TRPM3: variants seen among roughly 807,000 people sequenced by gnomAD.
The protein encoded by TRPM3 is long transient receptor potential channel 3.
Under a neutral mutation model 181.2 loss-of-function variants are expected in TRPM3, and 77 were observed. The observed-to-expected ratio is 0.42, with a 90% CI of 0.35 to 0.51. The LOEUF is 0.51. Ranked by LOEUF, TRPM3 falls within the 20% of genes least tolerant of loss-of-function variation. The probability of loss-of-function intolerance (pLI) is 0.01; values close to 1 mark genes in which losing one functional copy is unlikely to be tolerated. For missense variants in TRPM3, 1,759 were observed against 2,196.7 expected, an observed-to-expected ratio of 0.80 and a Z score of 3.98; for synonymous variants, 745 against 796.4, an observed-to-expected ratio of 0.94 and a Z score of 1.09.
chr9:70,738,452 G>A (rs958491323), intron 8 of TRPM3, among the ~76,000 whole-genome samples: 6 of 152,188 alleles, frequency 3.9e-5, no homozygotes, highest in Admixed American at 3.3e-4. Context: ...GAATAATAGT[G>A]ACACAACCTA....
intron 9 of TRPM3, among the ~76,000 whole-genome samples, chr9:70,669,238 C>G (rs1189149793): frequency 6.6e-6 from 1 of 152,226 alleles, no homozygotes; most frequent in Non-Finnish European, 1.5e-5. Context: ...AGACACCTCT[C>G]AGTTCCCTAA....
At chr9:71,273,119 G>A (rs1403760211) in intron 1 of TRPM3, among the ~76,000 whole-genome samples, 1 of 152,072 alleles carries the variant, frequency 6.6e-6, no homozygotes, top group East Asian at 1.9e-4. Context: ...CAAGTGACCT[G>A]CCTGCCTTGG....
At chr9:71,334,316 C>T (rs2090414055) in intron 1 of TRPM3, among the ~76,000 whole-genome samples, 1 of 151,672 alleles carries the variant, frequency 6.6e-6, no homozygotes, top group African/African-American at 2.4e-5. Context: ...AGAGGAAAAC[C>T]TAAGGGATTA....
chr9:71,371,169 C>T (rs969950527), intron 1 of TRPM3, among the ~76,000 whole-genome samples: 2 of 152,130 alleles, frequency 1.3e-5, no homozygotes, highest in Non-Finnish European at 2.9e-5. Flanking sequence ...TGTTTTCATG[C>T]CTGCTGACAC....
At chr9:70,928,389 T>G (rs944019954) in intron 1 of TRPM3, among the ~76,000 whole-genome samples, 1 of 152,196 alleles carries the variant, frequency 6.6e-6, no homozygotes, top group African/African-American at 2.4e-5. Flanking sequence ...CTAGGGACAG[T>G]CAGATTTTAT....
intron 5 of TRPM3, among the ~76,000 whole-genome samples, chr9:70,834,452 T>C (rs976979718): frequency 6.6e-6 from 1 of 152,208 alleles, no homozygotes; most frequent in Non-Finnish European, 1.5e-5. Context: ...GAAATCACCA[T>C]GTATGAGTGG....
At chr9:71,186,786 G>C (rs1025267455) in intron 1 of TRPM3, among the ~76,000 whole-genome samples, 3 of 151,972 alleles carry the variant, frequency 2.0e-5, no homozygotes, top group Non-Finnish European at 4.4e-5. Context: ...AAATCTTCAA[G>C]TTTTTCTTAC....
intron 1 of TRPM3, among the ~76,000 whole-genome samples, chr9:71,193,305 T>A (rs887209381): frequency 1.3e-5 from 2 of 151,824 alleles, no homozygotes; most frequent in Non-Finnish European, 2.9e-5. Context: ...CCTGTAAATA[T>A]CTGAAAAAGT....
intron 4 of TRPM3, among the ~76,000 whole-genome samples, chr9:70,843,511 A>G (rs1313269948): frequency 6.6e-6 from 1 of 152,190 alleles, no homozygotes; most frequent in African/African-American, 2.4e-5. Flanking sequence ...AGCACCATGT[A>G]TAATGGTATG....
At chr9:71,262,230 A>C (rs1393198399) in intron 1 of TRPM3, among the ~76,000 whole-genome samples, 1 of 152,180 alleles carries the variant, frequency 6.6e-6, no homozygotes, top group Non-Finnish European at 1.5e-5. Context: ...GGAGGAATCT[A>C]GAGAGGCAGT....
At chr9:70,869,170 G>T in intron 1 of TRPM3, 1 of 483,294 alleles carries the variant, frequency 2.1e-6, no homozygotes, top group Non-Finnish European at 2.7e-6. Flanking sequence ...AACTTGGGCA[G>T]ATTAGCCCCT....
intron 19 of TRPM3, among the ~76,000 whole-genome samples, chr9:70,609,480 G>A (rs767503655): frequency 1.1e-4 from 16 of 152,218 alleles, no homozygotes; most frequent in Admixed American, 5.9e-4. Context: ...GGTAGTTTCC[G>A]AATGGTGGCA....
intron 8 of TRPM3, among the ~76,000 whole-genome samples, chr9:70,746,040 C>G (rs1418371499): frequency 6.6e-6 from 1 of 152,164 alleles, no homozygotes; most frequent in Non-Finnish European, 1.5e-5. Flanking sequence ...TGCCAACATT[C>G]TTTACACATC....
upstream of TRPM3, among the ~76,000 whole-genome samples, chr9:71,125,597 T>C (rs1208654938): frequency 1.3e-5 from 2 of 152,180 alleles, no homozygotes; most frequent in Non-Finnish European, 2.9e-5. Context: ...AGTCCATCAT[T>C]GATGTGCATT....
chr9:71,199,688 T>C (rs1227645121), intron 1 of TRPM3, among the ~76,000 whole-genome samples: 3 of 152,172 alleles, frequency 2.0e-5, no homozygotes, highest in Non-Finnish European at 2.9e-5. Flanking sequence ...TCTCCGATGG[T>C]AGTTTGTATT....
At chr9:71,443,639 G>T (rs1431174) in intron 1 of TRPM3, among the ~76,000 whole-genome samples, 150,465 of 152,232 alleles carry the variant, frequency 0.99, 74,377 homozygotes, top group East Asian at 1. Context: ...GGGTTTCTAA[G>T]ATTAGCGTCA....
intron 20 of TRPM3, among the ~76,000 whole-genome samples, chr9:70,602,622 T>C (rs187114139): frequency 2.6e-4 from 40 of 152,318 alleles, no homozygotes; most frequent in Admixed American, 2.4e-3. Flanking sequence ...GTGGTGAACA[T>C]TGAGTGGGGC....
chr9:71,252,869 T>TTTTTTTA (rs2082435472), intron 1 of TRPM3, among the ~76,000 whole-genome samples: 1 of 148,832 alleles, frequency 6.7e-6, no homozygotes, highest in African/African-American at 2.5e-5. Flanking sequence ...TTTTTTTTTT[T>TTTTTTTA]AGAAGTGCAG....
At chr9:70,856,538 A>C (rs1236480691) in intron 3 of TRPM3, among the ~76,000 whole-genome samples, 2 of 152,152 alleles carry the variant, frequency 1.3e-5, no homozygotes, top group African/African-American at 2.4e-5. Flanking sequence ...ATCCTAAAGG[A>C]TATTAAGAGC....
Sources: gnomAD v4.1 joint callset for allele counts (sites outside exome capture counted in the v4.1 genomes callset) on GRCh38, gnomAD v4.1.1 for gene constraint, MANE v1.5 for transcripts, NCBI Gene and HGNC (gene_info 2026-07-23, HGNC 2026-07-21) for gene names.